Variants in FBXL2 observed in about 807,000 individuals in gnomAD.
The protein encoded by FBXL2 is F-box and leucine rich repeat protein 2, also known as F-box/LRR-repeat protein 2.
FBXL2 carries 38 observed loss-of-function variants against 69.2 expected under a neutral mutation model. That is an observed-to-expected ratio of 0.55 (90% CI 0.42 to 0.72). The LOEUF is 0.72. Among genes scored for constraint, FBXL2 ranks in the 30% least tolerant of loss-of-function variants. The probability of loss-of-function intolerance (pLI) is 0.00; values close to 1 mark genes in which losing one functional copy is unlikely to be tolerated. For missense variants in FBXL2, 354 were observed against 520.3 expected (o/e 0.68, Z 3.11); for synonymous variants, 192 against 201.3 (o/e 0.95, Z 0.39).
chr3:33,350,786 A>G (rs1255957287), intron 2 of FBXL2, among the ~76,000 whole-genome samples: 1 of 152,068 alleles, frequency 6.6e-6, no homozygotes, highest in African/African-American at 2.4e-5. Flanking sequence ...TGAGATTGGG[A>G]AAGAAAAAGA....
Position 33,398,438 on chromosome 3 carries a change from AC to A in FBXL2, n.1215-4794del, listed in dbSNP as rs2044092391. On this transcript the variant is annotated intron_variant and non_coding_transcript_variant, in intron 12 of 12. Coordinates refer to the FBXL2 transcript ENST00000463736. Reference sequence around the variant, plus strand: ...TTACTACATGCACCTCACAGTTGTGACCAGAGAGTACTGTGTATGTGTGTGC... The same window carrying A: ...TTACTACATGCACCTCACAGTTGTGACAGAGAGTACTGTGTATGTGTGTGC... 2.6e-5 allele frequency: 4 copies of A among 152,338 alleles called. No individual in the cohort carries two copies. The South Asian group carries it at 8.3e-4, about 32-fold the overall frequency. 9.4% of individuals were successfully genotyped at this position (152,338 alleles called of 1,614,324 possible). A position where few individuals can be genotyped will look rare whatever the true frequency, so the allele number is the denominator to read the frequency against.
intron 1 of FBXL2, among the ~76,000 whole-genome samples, chr3:33,287,312 C>T (rs1057014746): frequency 6.6e-6 from 1 of 152,036 alleles, no homozygotes; most frequent in Admixed American, 6.5e-5. Context: ...ATATTCATCT[C>T]CCTTTTGTCT....
At chr3:33,319,695 G>A (rs1052189086) in intron 2 of FBXL2, among the ~76,000 whole-genome samples, 1 of 152,062 alleles carries the variant, frequency 6.6e-6, no homozygotes, top group East Asian at 1.9e-4. Flanking sequence ...CCAAAAGAAG[G>A]TATCATATTA....
exon 13 of FBXL2, chr3:33,403,502 ATCTATCTATCTG>A (rs143169995): frequency 0.56 from 84,957 of 151,690 alleles, 25,997 homozygotes; most frequent in Non-Finnish European, 0.7. Flanking sequence ...CTATCTATCT[ATCTATCTATCTG>A]TCTGTCTGTC....
rs369895698 is a variant in FBXL2 at position 33,309,530 on chromosome 3, T to C, written c.65+11805T>C. ...TAAAGTGGGTCTCTTGCAGATAGCA[T>C]ATAGTTGGGTCTTTAAAAAAAAATA... On this transcript the variant is annotated intron_variant, in intron 2 of 14. Coordinates refer to ENST00000484457, the MANE Select transcript of FBXL2 (RefSeq NM_012157.5). Among the ~76,000 whole-genome samples, 87 of 151,146 alleles carry C rather than the reference T, an allele frequency of 5.8e-4. 1 individual carries two copies. The highest frequency in any genetic ancestry group is 2.0e-3 in the African/African-American group (82 of 41,056).
At chr3:33,359,058 C>A in intron 3 of FBXL2, 37 bp downstream of exon 3, 2 of 1,373,802 alleles carry the variant, frequency 1.5e-6, no homozygotes, top group South Asian at 1.5e-5. Flanking sequence ...CAATAAATAT[C>A]AAGTTTTATT....
At chr3:33,329,586 T>C (rs2038992013) in intron 2 of FBXL2, among the ~76,000 whole-genome samples, 1 of 152,180 alleles carries the variant, frequency 6.6e-6, no homozygotes, top group Non-Finnish European at 1.5e-5. Flanking sequence ...TATTTAGCCA[T>C]AAAAAATTGA....
chr3:33,398,808 A>T (rs1249200177), intron 12 of FBXL2, among the ~76,000 whole-genome samples: 1 of 152,190 alleles, frequency 6.6e-6, no homozygotes, highest in Non-Finnish European at 1.5e-5. Flanking sequence ...CGCTTTTTCT[A>T]TGTGCTATGC....
In FBXL2 at chr3:33,364,582, TG is replaced by T. The variant is rs746883853; in HGVS notation, c.196-42del. 4.6e-6 allele frequency: 7 copies of T among 1,517,894 alleles called. No individual in the cohort carries two copies. The East Asian group carries it at 1.6e-4, about 34-fold the overall frequency. 94.0% of individuals were successfully genotyped at this position (1,517,894 alleles called of 1,614,324 possible). ...TTATTTTGCTGTTAGATAAGCAGCA[TG>T]AAAAAACAGTATTTTTTCCTCCCGA... On this transcript the variant is annotated intron_variant, in intron 4 of 14. Transcript: ENST00000484457.
intron 2 of FBXL2, among the ~76,000 whole-genome samples, chr3:33,337,305 A>G (rs1238304806): frequency 2.6e-5 from 4 of 152,198 alleles, no homozygotes; most frequent in African/African-American, 9.6e-5. Context: ...AAAAAGAACT[A>G]CAAATCTATC....
intron 2 of FBXL2, among the ~76,000 whole-genome samples, chr3:33,313,252 T>C (rs1482095853): frequency 6.6e-6 from 1 of 151,890 alleles, no homozygotes; most frequent in African/African-American, 2.4e-5. Flanking sequence ...TCTAAAGAAT[T>C]CTTTTTTTTT....
chr3:33,340,710 G>A lies in FBXL2; in HGVS notation c.66-18257G>A, dbSNP rs368236374. Among the ~76,000 whole-genome samples, 91 of 151,634 alleles carry A rather than the reference G, an allele frequency of 6.0e-4. 1 individual carries two copies. Among genetic ancestry groups the A allele is most frequent in the African/African-American group, 2.0e-3 (82 of 41,398 alleles). The stretch of plus-strand genomic sequence containing the variant: ...AGTTCGAGACCAGCCAGGCCAACAT[G>A]GTGAAACCCCGTCTCTACTAAAAAT... On this transcript the variant is annotated intron_variant, in intron 2 of 14. Coordinates refer to ENST00000484457, the MANE Select transcript of FBXL2 (RefSeq NM_012157.5).
At chr3:33,291,354 A>G (rs889490921) in intron 1 of FBXL2, among the ~76,000 whole-genome samples, 1 of 152,214 alleles carries the variant, frequency 6.6e-6, no homozygotes, top group Admixed American at 6.5e-5. Flanking sequence ...TGTCTACATC[A>G]GACCTATATT....
chr3:33,308,989 C>G (rs1182358284), intron 2 of FBXL2, among the ~76,000 whole-genome samples: 1 of 152,074 alleles, frequency 6.6e-6, no homozygotes, highest in Non-Finnish European at 1.5e-5. Context: ...ACTTGGTGGC[C>G]TAACATATGA....
At chr3:33,280,486 A>G (rs1483669911) in intron 1 of FBXL2, among the ~76,000 whole-genome samples, 1 of 152,040 alleles carries the variant, frequency 6.6e-6, no homozygotes, top group African/African-American at 2.4e-5. Context: ...AGATGGGAGG[A>G]CTGCTTCAGT....
chr3:33,398,816 TG>T (rs1165143965), intron 12 of FBXL2, among the ~76,000 whole-genome samples: 1 of 152,210 alleles, frequency 6.6e-6, no homozygotes. Context: ...CTATGTGCTA[TG>T]CTTTTCATCT....
At chr3:33,392,419 C>T (rs2043804904), downstream of FBXL2, 1 of 683,134 alleles carries the variant, frequency 1.5e-6, no homozygotes, top group Non-Finnish European at 2.3e-6. Context: ...GTTACAACCA[C>T]TAGAAATATT....
chr3:33,401,095 C>T, intron 12 of FBXL2: 2 of 1,351,440 alleles, frequency 1.5e-6, no homozygotes, highest in Non-Finnish European at 2.0e-6. Flanking sequence ...AAAGCTGTTG[C>T]ATTGTAACTA....
intron 2 of FBXL2, among the ~76,000 whole-genome samples, chr3:33,322,665 CAG>C (rs988483374): frequency 1.2e-4 from 18 of 152,148 alleles, no homozygotes; most frequent in African/African-American, 4.3e-4. Context: ...GAATTAAAAA[CAG>C]AAGTCATGAG....
Sources: allele counts gnomAD v4.1 joint callset (sites outside exome capture counted in the v4.1 genomes callset), GRCh38; gene constraint gnomAD v4.1.1; transcripts MANE v1.5; gene names NCBI Gene and HGNC (gene_info 2026-07-23, HGNC 2026-07-21).